Variants in RABGAP1L observed in about 807,000 individuals in gnomAD.
The protein encoded by RABGAP1L is RAB GTPase activating protein 1 like.
Under a neutral mutation model 137.7 loss-of-function variants are expected in RABGAP1L, and 63 were observed. That is an observed-to-expected ratio of 0.46 (90% CI 0.37 to 0.56). The LOEUF (loss-of-function observed/expected upper bound fraction) is 0.56. RABGAP1L is among the 20% of genes least tolerant of loss of function. RABGAP1L has a pLI of 0.00. For synonymous variants in RABGAP1L, 431 were observed against 433.7 expected (o/e 0.99, Z 0.08); for missense variants, 1,095 against 1,244.0 (o/e 0.88, Z 1.80).
intron 19 of RABGAP1L, chr1:174,897,488 T>C (rs1185448160): frequency 2.0e-5 from 3 of 152,208 alleles, no homozygotes; most frequent in African/African-American, 7.2e-5. Flanking sequence ...TCAGCCTGTT[T>C]CTGACCTCAG....
intron 18 of RABGAP1L, among the ~76,000 whole-genome samples, chr1:174,752,629 A>G (rs538868135): frequency 5.9e-5 from 9 of 152,146 alleles, no homozygotes; most frequent in African/African-American, 1.9e-4. Context: ...TATGAATTGG[A>G]TGATATAAGA....
At chr1:174,478,418 A>C (rs1238307443) in intron 13 of RABGAP1L, among the ~76,000 whole-genome samples, 1 of 151,704 alleles carries the variant, frequency 6.6e-6, no homozygotes. Context: ...CTATAGGTGC[A>C]CACTGCTATG....
chr1:174,226,772 C>CTT (rs147723001), intron 3 of RABGAP1L, among the ~76,000 whole-genome samples: 6 of 150,124 alleles, frequency 4.0e-5, no homozygotes, highest in Admixed American at 2.0e-4. Flanking sequence ...TTTCTTTTTC[C>CTT]TTTTTTTTTA....
At chr1:174,532,063 GA>G (rs1239699779) in intron 13 of RABGAP1L, among the ~76,000 whole-genome samples, 1 of 151,876 alleles carries the variant, frequency 6.6e-6, no homozygotes, top group Non-Finnish European at 1.5e-5. Context: ...ATAGAAATTA[GA>G]AAATCTAGTA....
At chr1:174,266,211 A>T (rs1031373642) in intron 7 of RABGAP1L, among the ~76,000 whole-genome samples, 2 of 152,184 alleles carry the variant, frequency 1.3e-5, no homozygotes, top group Admixed American at 1.3e-4. Flanking sequence ...TGTGAATAAA[A>T]CTTACCTCTT....
At chr1:174,847,295 G>T (rs193267029) in intron 19 of RABGAP1L, among the ~76,000 whole-genome samples, 4 of 151,666 alleles carry the variant, frequency 2.6e-5, no homozygotes, top group Non-Finnish European at 5.9e-5. Flanking sequence ...GATTTTGCTC[G>T]TTAGTTGATG....
chr1:174,737,545 G>A (rs1415020058), intron 17 of RABGAP1L, among the ~76,000 whole-genome samples: 1 of 151,898 alleles, frequency 6.6e-6, no homozygotes, highest in East Asian at 1.9e-4. Context: ...CTTTCTCTGA[G>A]CCCTCCAAAC....
intron 19 of RABGAP1L, among the ~76,000 whole-genome samples, chr1:174,894,881 C>G (rs1363607640): frequency 6.6e-6 from 1 of 152,102 alleles, no homozygotes; most frequent in African/African-American, 2.4e-5. Flanking sequence ...CTCAGCCTCC[C>G]GAGTAGCTGA....
intron 13 of RABGAP1L, among the ~76,000 whole-genome samples, chr1:174,435,412 G>A (rs997773113): frequency 1.3e-5 from 2 of 151,718 alleles, no homozygotes; most frequent in South Asian, 2.1e-4. Flanking sequence ...TTTTTGTTTA[G>A]ATCTATGATC....
At chr1:174,868,815 A>G (rs1651719488) in intron 19 of RABGAP1L, among the ~76,000 whole-genome samples, 1 of 152,150 alleles carries the variant, frequency 6.6e-6, no homozygotes, top group Middle Eastern at 3.2e-3. Flanking sequence ...AGGCCTCCCT[A>G]TCAAGACTTC....
chr1:174,352,595 G>C (rs1683295491), intron 11 of RABGAP1L, among the ~76,000 whole-genome samples: 1 of 152,124 alleles, frequency 6.6e-6, no homozygotes, highest in Non-Finnish European at 1.5e-5. Context: ...TAGTTCATTT[G>C]GGAGTTGATG....
At chr1:174,254,369 A>C (rs975330129) in intron 7 of RABGAP1L, among the ~76,000 whole-genome samples, 1 of 152,196 alleles carries the variant, frequency 6.6e-6, no homozygotes, top group Non-Finnish European at 1.5e-5. Flanking sequence ...TGTGCAGAAC[A>C]TGCAGGTTTG....
chr1:174,571,994 G>A (rs1668014756), intron 13 of RABGAP1L, among the ~76,000 whole-genome samples: 2 of 152,096 alleles, frequency 1.3e-5, no homozygotes, highest in African/African-American at 4.8e-5. Context: ...TTTTGATATT[G>A]TACTCTTGGC....
At chr1:174,930,586 G>C (rs1663629101) in intron 19 of RABGAP1L, among the ~76,000 whole-genome samples, 1 of 152,064 alleles carries the variant, frequency 6.6e-6, no homozygotes. Flanking sequence ...CAAAGTGCTG[G>C]GATTATAGGC....
intron 18 of RABGAP1L, among the ~76,000 whole-genome samples, chr1:174,763,414 G>A (rs1365807812): frequency 1.3e-5 from 2 of 150,614 alleles, no homozygotes; most frequent in African/African-American, 4.9e-5. Context: ...ACTTTGGGAG[G>A]CCGAGGCGGG....
chr1:174,288,072 T>TTATG, intron 10 of RABGAP1L, among the ~76,000 whole-genome samples: 1 of 152,282 alleles, frequency 6.6e-6, no homozygotes, highest in Non-Finnish European at 1.5e-5. Flanking sequence ...CAGTAACAAC[T>TTATG]CAACTGTGTT....
intron 13 of RABGAP1L, among the ~76,000 whole-genome samples, chr1:174,619,095 G>A (rs1227288990): frequency 1.3e-5 from 2 of 152,078 alleles, no homozygotes; most frequent in African/African-American, 2.4e-5. Flanking sequence ...AGAGAAAAAA[G>A]AATAAAAAGA....
chr1:174,476,136 A>G (rs554437068), intron 13 of RABGAP1L, among the ~76,000 whole-genome samples: 1 of 152,276 alleles, frequency 6.6e-6, no homozygotes, highest in South Asian at 2.1e-4. Context: ...TAACTTTTCA[A>G]CAAAGTTCTC....
chr1:174,588,059 T>G (rs1669259917), intron 13 of RABGAP1L, among the ~76,000 whole-genome samples: 1 of 151,936 alleles, frequency 6.6e-6, no homozygotes, highest in African/African-American at 2.4e-5. Context: ...AGGGACAGAT[T>G]TTTGCAATGT....
Sources: gnomAD v4.1 joint callset for allele counts (sites outside exome capture counted in the v4.1 genomes callset) on GRCh38, gnomAD v4.1.1 for gene constraint, MANE v1.5 for transcripts, NCBI Gene and HGNC (gene_info 2026-07-23, HGNC 2026-07-21) for gene names.